The following BCKDHB variants were observed in gnomAD, a reference collection of about 807,000 sequenced individuals.
The protein encoded by BCKDHB is 2-oxoisovalerate dehydrogenase subunit beta, mitochondrial.
In BCKDHB, 41 loss-of-function variants were observed where a neutral mutation model predicts 48.5. That is an observed-to-expected ratio of 0.85 (90% CI 0.66 to 1.10). BCKDHB has a LOEUF of 1.10. BCKDHB is among the 50% of genes least tolerant of loss of function. The pLI, the probability that BCKDHB is intolerant of heterozygous loss-of-function variation, is 0.00. For synonymous variants in BCKDHB, 201 were observed against 174.8 expected (o/e 1.15, Z -1.18); for missense variants, 496 against 494.2 (o/e 1.00, Z -0.03).
the BCKDHB span, among the ~76,000 whole-genome samples, chr6:80,353,567 T>C: frequency 6.6e-6 from 1 of 151,988 alleles, no homozygotes; most frequent in African/African-American, 2.4e-5. Context: ...ATAATAGCTC[T>C]TCTGTGGCCA....
At chr6:80,142,118 A>G (rs1771248012) in intron 3 of BCKDHB, among the ~76,000 whole-genome samples, 2 of 152,114 alleles carry the variant, frequency 1.3e-5, no homozygotes, top group Admixed American at 6.6e-5. Context: ...TGATTCAGAT[A>G]TAATTTTTGG....
At chr6:80,126,273 AG>A (rs922861118) in intron 1 of BCKDHB, among the ~76,000 whole-genome samples, 1 of 152,164 alleles carries the variant, frequency 6.6e-6, no homozygotes, top group Non-Finnish European at 1.5e-5. Context: ...ATGCCAGAGT[AG>A]GCAGAACGTC....
rs149671834 is a variant in BCKDHB at position 80,323,999 on chromosome 6, C to T, written c.1039-19665C>T. On this transcript the variant is annotated intron_variant, in intron 9 of 9. Coordinates refer to ENST00000320393, the MANE Select transcript of BCKDHB (RefSeq NM_183050.4). ...GTGTTAGCCAGGGTGGTCTCGATCT[C>T]CTGACCTCGTGATCCACCTGCCTCG... Among the ~76,000 whole-genome samples, 9 of 152,238 alleles carry T rather than the reference C, an allele frequency of 5.9e-5. No homozygotes were observed. The East Asian group carries it at 1.7e-3, about 29-fold the overall frequency.
intron 9 of BCKDHB, among the ~76,000 whole-genome samples, chr6:80,339,765 G>C (rs896737179): frequency 6.6e-6 from 1 of 152,144 alleles, no homozygotes; most frequent in African/African-American, 2.4e-5. Context: ...TAACTCATAT[G>C]GCCCTCAAGG....
At chr6:80,385,166 G>C in the BCKDHB span, among the ~76,000 whole-genome samples, 1 of 152,228 alleles carries the variant, frequency 6.6e-6, no homozygotes, top group Admixed American at 6.5e-5. Flanking sequence ...AGTGATGAAA[G>C]AAAGTGATGA....
chr6:80,244,637 A>G (rs1582429970), intron 8 of BCKDHB, among the ~76,000 whole-genome samples: 1 of 152,220 alleles, frequency 6.6e-6, no homozygotes, highest in Non-Finnish European at 1.5e-5. Context: ...ATAGTAACAG[A>G]TAATGTCTTC....
At chr6:80,289,116 C>T (rs745817522) in intron 9 of BCKDHB, among the ~76,000 whole-genome samples, 1 of 152,138 alleles carries the variant, frequency 6.6e-6, no homozygotes, top group Non-Finnish European at 1.5e-5. Context: ...CTAGAACTTA[C>T]TCATATATTT....
chr6:80,277,861 GCCTATACAAGTCATTATGTAA>G (rs1778034421), intron 9 of BCKDHB, among the ~76,000 whole-genome samples: 1 of 151,770 alleles, frequency 6.6e-6, no homozygotes, highest in African/African-American at 2.4e-5. Flanking sequence ...TTTTTATAGG[GCCTATACAAGTCATTATGTAA>G]AAGAAAACTT....
chr6:80,346,627 A>G (rs1236973137), downstream of BCKDHB, among the ~76,000 whole-genome samples: 1 of 152,186 alleles, frequency 6.6e-6, no homozygotes, highest in Non-Finnish European at 1.5e-5. Context: ...TTTTAGCTGT[A>G]GCTGTAGTGT....
At chr6:80,237,030 A>C (rs1005033173) in intron 8 of BCKDHB, among the ~76,000 whole-genome samples, 2 of 152,200 alleles carry the variant, frequency 1.3e-5, no homozygotes, top group African/African-American at 4.8e-5. Flanking sequence ...GCTATTGTAG[A>C]AGACATTGTA....
At chr6:80,269,782 T>C (rs994131898) in intron 8 of BCKDHB, among the ~76,000 whole-genome samples, 1 of 152,160 alleles carries the variant, frequency 6.6e-6, no homozygotes, top group East Asian at 1.9e-4. Context: ...ATTTTTTAAA[T>C]GATTATTAGC....
chr6:80,341,386 T>A (rs1769896107), intron 9 of BCKDHB, among the ~76,000 whole-genome samples: 1 of 152,190 alleles, frequency 6.6e-6, no homozygotes, highest in South Asian at 2.1e-4. Context: ...ACCAAAACAA[T>A]ATATTATAAA....
intron 8 of BCKDHB, among the ~76,000 whole-genome samples, chr6:80,225,565 T>C (rs991321643): frequency 2.0e-5 from 3 of 152,196 alleles, no homozygotes; most frequent in Non-Finnish European, 4.4e-5. Context: ...TCTTAGAAGG[T>C]CACTTAGGTG....
At chr6:80,433,850 A>T in the BCKDHB span, among the ~76,000 whole-genome samples, 1 of 152,132 alleles carries the variant, frequency 6.6e-6, no homozygotes, top group South Asian at 2.1e-4. Flanking sequence ...TTGATTTGGA[A>T]TCATTATGTT....
the BCKDHB span, among the ~76,000 whole-genome samples, chr6:80,370,822 G>A: frequency 1.4e-5 from 2 of 145,798 alleles, no homozygotes; most frequent in Middle Eastern, 3.5e-3. Context: ...ATATATATGT[G>A]TGTGTGTGTG....
chr6:80,214,574 G>A (rs1233449183), intron 8 of BCKDHB, among the ~76,000 whole-genome samples: 1 of 152,186 alleles, frequency 6.6e-6, no homozygotes, highest in Non-Finnish European at 1.5e-5. Flanking sequence ...CAGTTGAGGG[G>A]TTGGGATGGA....
chr6:80,240,937 C>CT (rs939337303), intron 8 of BCKDHB, among the ~76,000 whole-genome samples: 1 of 152,146 alleles, frequency 6.6e-6, no homozygotes, highest in Non-Finnish European at 1.5e-5. Flanking sequence ...TTCTTAGAGG[C>CT]TTTTTTCGTT....
At chr6:80,149,179 T>C (rs902357039) in intron 3 of BCKDHB, among the ~76,000 whole-genome samples, 3 of 152,122 alleles carry the variant, frequency 2.0e-5, no homozygotes, top group Admixed American at 6.5e-5. Flanking sequence ...CAGACACTTC[T>C]CAAAAGAAGA....
chr6:80,211,825 C>T (rs547914414), intron 8 of BCKDHB, among the ~76,000 whole-genome samples: 53 of 152,232 alleles, frequency 3.5e-4, no homozygotes, highest in African/African-American at 1.0e-3. Context: ...GCTGGGCCAC[C>T]GGGGGTGACA....
Sources: gnomAD v4.1 joint callset for allele counts (sites outside exome capture counted in the v4.1 genomes callset) on GRCh38, gnomAD v4.1.1 for gene constraint, MANE v1.5 for transcripts, NCBI Gene and HGNC (gene_info 2026-07-23, HGNC 2026-07-21) for gene names.